Variants in MIS18A observed in about 807,000 individuals in gnomAD.
MIS18A encodes the protein MIS18 kinetochore protein A, also known as protein Mis18-alpha.
Under a neutral mutation model 25.0 loss-of-function variants are expected in MIS18A, and 14 were observed. That is an observed-to-expected ratio of 0.56 (90% CI 0.37 to 0.88). The LOEUF (loss-of-function observed/expected upper bound fraction) is 0.88, where lower values mean the gene tolerates loss of function less well. MIS18A is among the 40% of genes least tolerant of loss of function. MIS18A has a pLI of 0.00. For missense variants in MIS18A, 292 were observed against 290.8 expected, an observed-to-expected ratio of 1.00 and a Z score of -0.03; for synonymous variants, 134 against 118.6, an observed-to-expected ratio of 1.13 and a Z score of -0.84.
the MIS18A span, among the ~76,000 whole-genome samples, chr21:32,216,840 G>A: frequency 3.2e-4 from 49 of 152,266 alleles, no homozygotes; most frequent in Non-Finnish European, 4.7e-4. Flanking sequence ...TTGGTTCCAC[G>A]TACTTAAGAA....
chr21:32,222,346 G>A, the MIS18A span, among the ~76,000 whole-genome samples: 1 of 152,148 alleles, frequency 6.6e-6, no homozygotes, highest in South Asian at 2.1e-4. Context: ...AACAGTGGGA[G>A]ACTTTAGCAC....
At position 32,279,044 on chromosome 21, in the gene MIS18A, C is replaced by T; in HGVS notation, c.-30G>A. The T allele has an allele frequency of 1.3e-6, 2 of 1,558,372 alleles. No homozygotes were observed. The highest frequency in any genetic ancestry group is 1.7e-6 in the Non-Finnish European group (2 of 1,155,798). ...TACAAATCGCCCGCGCCCCAGAGCG[C>T]CATGGGAAAAAAAACCGCCGCTGCT... On this transcript the variant is annotated 5_prime_UTR_variant, in exon 1 of 5. Coordinates refer to ENST00000290130, the MANE Select transcript of MIS18A (RefSeq NM_018944.3).
the MIS18A span, among the ~76,000 whole-genome samples, chr21:32,215,167 C>G: frequency 3.3e-5 from 5 of 152,300 alleles, no homozygotes; most frequent in South Asian, 1.0e-3. Context: ...CAGACAGAGA[C>G]TAACGTGATT....
chr21:32,269,762 T>C lies in MIS18A; in HGVS notation c.566A>G (p.Asp189Gly), dbSNP rs1173925804. The change falls in exon 4 of 5, where the codon GAT (aspartate) becomes GGT (glycine). Residue 189 changes from aspartate (D) to glycine (G), a missense_variant. Physicochemically the swap from Asp to Gly is moderately conservative, Grantham distance 94 (BLOSUM62 -1). Coordinates refer to ENST00000290130, the MANE Select transcript of MIS18A (RefSeq NM_018944.3). The part of the protein sequence containing the change: ...GSSEKQIVSE[D>G]KELFNLESRV... ...GCTTTCAAGATTAAAAAGCTCTTTA[T>C]CTTCTGACACAATTTGCTTTTCAGA... 6.2e-7 allele frequency: 1 copy of C among 1,612,066 alleles called. No individual in the cohort carries two copies. The highest frequency in any genetic ancestry group is 1.1e-5 in the South Asian group (1 of 91,026).
intron 2 of MIS18A, among the ~76,000 whole-genome samples, chr21:32,272,896 G>A (rs186701758): frequency 1.7e-3 from 259 of 152,260 alleles, no homozygotes; most frequent in Non-Finnish European, 2.9e-3. Flanking sequence ...AGTAAGGAAG[G>A]GTAACAAGCA....
the MIS18A span, among the ~76,000 whole-genome samples, chr21:32,156,042 G>A: frequency 1.3e-5 from 2 of 152,034 alleles, no homozygotes; most frequent in African/African-American, 4.8e-5. Context: ...AGGGAAATTT[G>A]CTTACAAAAA....
chr21:32,243,306 T>G, the MIS18A span, among the ~76,000 whole-genome samples: 1 of 152,062 alleles, frequency 6.6e-6, no homozygotes, highest in Non-Finnish European at 1.5e-5. Context: ...AGCTACAGAC[T>G]GGGAGATAAT....
chr21:32,265,741 A>T (rs2031586311), downstream of MIS18A, among the ~76,000 whole-genome samples: 1 of 152,278 alleles, frequency 6.6e-6, no homozygotes. Context: ...ACGGGCAGGC[A>T]GCTCCACCTG....
intron 1 of MIS18A, chr21:32,277,713 G>A (rs748119955): frequency 2.0e-5 from 3 of 152,106 alleles, no homozygotes; most frequent in Non-Finnish European, 2.9e-5. Flanking sequence ...CTCAATCTCC[G>A]GATCTCGTGA....
the MIS18A span, among the ~76,000 whole-genome samples, chr21:32,156,916 G>C: frequency 6.6e-6 from 1 of 152,128 alleles, no homozygotes; most frequent in African/African-American, 2.4e-5. Flanking sequence ...GCTTGCATAT[G>C]AGAGATATTA....
the MIS18A span, among the ~76,000 whole-genome samples, chr21:32,181,094 G>A: frequency 2.0e-5 from 3 of 152,176 alleles, no homozygotes; most frequent in African/African-American, 7.2e-5. Flanking sequence ...CCTCCCCAGT[G>A]TGAGTAGGCA....
the MIS18A span, among the ~76,000 whole-genome samples, chr21:32,157,036 C>A: frequency 2.1e-5 from 3 of 143,354 alleles, no homozygotes; most frequent in East Asian, 6.4e-4. Context: ...CATTTCCTTT[C>A]TTTTCCTTTC....
At chr21:32,276,310 A>C (rs1400655558) in intron 1 of MIS18A, among the ~76,000 whole-genome samples, 1 of 151,898 alleles carries the variant, frequency 6.6e-6, no homozygotes, top group Admixed American at 6.6e-5. Flanking sequence ...GATACAAAAA[A>C]ATTAGCGGGG....
the MIS18A span, among the ~76,000 whole-genome samples, chr21:32,202,665 T>C: frequency 1.3e-5 from 2 of 152,214 alleles, no homozygotes; most frequent in Non-Finnish European, 2.9e-5. Flanking sequence ...CAAAAACCAT[T>C]CAACTTTCTA....
At chr21:32,217,241 A>G in the MIS18A span, among the ~76,000 whole-genome samples, 22,783 of 152,116 alleles carry the variant, frequency 0.15, 1,799 homozygotes, top group East Asian at 0.23. Context: ...CTAAAGAACT[A>G]AAGTATGAAA....
At chr21:32,276,453 T>A in intron 1 of MIS18A, among the ~76,000 whole-genome samples, 1 of 92,482 alleles carries the variant, frequency 1.1e-5, no homozygotes, top group African/African-American at 5.4e-5. Context: ...ACAGTGAGAC[T>A]CTGTCTCAAA....
the MIS18A span, among the ~76,000 whole-genome samples, chr21:32,161,701 A>G: frequency 6.9e-6 from 1 of 144,872 alleles, no homozygotes; most frequent in African/African-American, 2.7e-5. Context: ...CATGTTGCCC[A>G]GGCTGATCTC....
At chr21:32,210,727 G>A in the MIS18A span, among the ~76,000 whole-genome samples, 2 of 152,148 alleles carry the variant, frequency 1.3e-5, no homozygotes, top group Admixed American at 1.3e-4. Flanking sequence ...AAGACAAATA[G>A]TGTAACCCAC....
chr21:32,167,683 A>G, the MIS18A span, among the ~76,000 whole-genome samples: 2 of 152,206 alleles, frequency 1.3e-5, no homozygotes, highest in African/African-American at 4.8e-5. Context: ...TGCAGAAATA[A>G]TGGTCAAGGA....
Sources: gnomAD v4.1 joint callset for allele counts (sites outside exome capture counted in the v4.1 genomes callset) on GRCh38, gnomAD v4.1.1 for gene constraint, MANE v1.5 for transcripts, NCBI Gene and HGNC (gene_info 2026-07-23, HGNC 2026-07-21) for gene names.